QRICH2: variants seen among roughly 807,000 people sequenced by gnomAD.
The protein encoded by QRICH2 is glutamine rich 2.
A neutral mutation model predicts 168.3 loss-of-function variants in QRICH2; 119 were observed. The observed-to-expected ratio is 0.71, with a 90% CI of 0.61 to 0.82. The LOEUF is 0.82. QRICH2 is among the 40% of genes least tolerant of loss of function. The pLI is 0.00. For synonymous variants in QRICH2, 894 were observed against 951.2 expected (o/e 0.94, Z 1.11); for missense variants, 2,241 against 2,491.6 (o/e 0.90, Z 2.14).
In QRICH2 at chr17:76,281,002, C is replaced by T. The variant is rs764169013; in HGVS notation, c.4264-49G>A. The T allele has an allele frequency of 1.3e-6, 2 of 1,586,466 alleles. No homozygotes were observed. The highest frequency in any genetic ancestry group is 1.7e-6 in the Non-Finnish European group (2 of 1,172,746). The stretch of plus-strand genomic sequence containing the variant: ...CTCTCGGAGGCTGCTGGCGCGATCC[C>T]ACCCCCTGCTGCCATAATATTGCTG... On this transcript the variant is annotated intron_variant, in intron 8 of 18. Coordinates refer to ENST00000680821, the MANE Select transcript of QRICH2 (RefSeq NM_001388453.1). This position sits in a 1 kb window ranked among gnomAD's most constrained non-coding sequence, Gnocchi z 4.4.
intron 17 of QRICH2, 105 bp from the exon 18 acceptor site, chr17:76,276,052 G>T: frequency 1.4e-6 from 2 of 1,383,812 alleles, no homozygotes; most frequent in Non-Finnish European, 2.0e-6. Context: ...GTCATGGCCG[G>T]CCTCAGCTGA....
Position 76,291,641 on chromosome 17 carries a change from T to G in QRICH2, c.3086A>C (p.Gln1029Pro). Residue 1029 changes from glutamine (Q) to proline (P), a missense_variant, in exon 4 of 19, where the codon CAA becomes CCA. This residue lies in a region of QRICH2 where 2,047 missense variants were observed against 2,303.8 expected (regional missense o/e 0.89). Coordinates refer to ENST00000680821, the MANE Select transcript of QRICH2 (RefSeq NM_001388453.1). ...ATCTATACCAGGTGATGCCAAACCT[T>G]GACTGGCTAGGAGTGGTGACACCTG... is the stretch of plus-strand genomic sequence containing the variant. ...YGQVSPLLASQGLASPGIDRR... is the reference protein window; with the variant it reads ...YGQVSPLLASPGLASPGIDRR... 6.2e-7 allele frequency: 1 copy of G among 1,614,136 alleles called. No homozygotes were observed. The highest frequency in any genetic ancestry group is 1.1e-5 in the South Asian group (1 of 91,080).
At chr17:76,287,113 T>A in intron 7 of QRICH2, 79 bp downstream of exon 7, 1 of 816,074 alleles carries the variant, frequency 1.2e-6, no homozygotes, top group Non-Finnish European at 2.1e-6. Flanking sequence ...TAGTTTTTGA[T>A]GAGAGGTGGG....
rs749221756 is a variant in QRICH2, at chr17:76,293,169, C to T, written c.1558G>A (p.Val520Ile). 1.2e-5 allele frequency: 19 copies of T among 1,614,104 alleles called. No homozygotes were observed. Among genetic ancestry groups the T allele is most frequent in the East Asian group, 6.7e-5 (3 of 44,906 alleles). ...IDQQGLTLPVVDQHGLVLPFT... is the reference protein window; with the variant it reads ...IDQQGLTLPVIDQHGLVLPFT... Reference sequence around the variant, plus strand: ...GGTAGAACCAGGCCATGTTGATCGACGACAGGCAATGTCAATCCTTGCTGG... The same window carrying T: ...GGTAGAACCAGGCCATGTTGATCGATGACAGGCAATGTCAATCCTTGCTGG... Residue 520 changes from valine (V) to isoleucine (I), a missense_variant, in exon 4 of 19, where the codon GTC becomes ATC. Transcript: ENST00000680821.
chr17:76,306,540 G>A (rs996601193), intron 1 of QRICH2, among the ~76,000 whole-genome samples: 1 of 152,162 alleles, frequency 6.6e-6, no homozygotes, highest in Non-Finnish European at 1.5e-5. Flanking sequence ...CTGTTCACTG[G>A]ACAATACTTA....
chr17:76,307,635 C>A lies in QRICH2; in HGVS notation c.364G>T (p.Gly122Cys), dbSNP rs533100119. The stretch of plus-strand genomic sequence containing the variant: ...TGCGTGGCGATGCCCTGCACCTGGC[C>A]GTCCACACGCTTGAGCTGCTTGCTC... ...DLSKQLKRVD[G>C]QVQGIATHVQ... Residue 122 changes from glycine to cysteine, a missense_variant, in exon 1 of 19, where the codon GGC (glycine) becomes TGC (cysteine). Around this residue, in one of 3 missense-constraint regions of QRICH2, gnomAD observed 2,047 missense variants for 2,303.8 expected, o/e 0.89. Transcript: ENST00000680821. This position sits in a 1 kb window ranked among gnomAD's most constrained non-coding sequence, Gnocchi z 5.3. 8,377 of 1,504,078 alleles carry A rather than the reference C, an allele frequency of 5.6e-3. 35 individuals carry two copies. Among genetic ancestry groups the A allele is most frequent in the Non-Finnish European group, 7.0e-3 (7,821 of 1,121,102 alleles). 93.2% of individuals were successfully genotyped at this position (1,504,078 alleles called of 1,614,324 possible).
At chr17:76,296,125 A>G (rs893331652) in intron 3 of QRICH2, among the ~76,000 whole-genome samples, 21 of 151,906 alleles carry the variant, frequency 1.4e-4, no homozygotes, top group African/African-American at 5.1e-4. Context: ...TAGGAGGCTG[A>G]GGCAGGAGAA....
At position 76,291,530 on chromosome 17, in the gene QRICH2, G is replaced by C. The variant is rs761866177; in HGVS notation, c.3197C>G (p.Thr1066Arg). The C allele has an allele frequency of 6.2e-7, 1 of 1,606,892 alleles. No individual in the cohort carries two copies. Among genetic ancestry groups the C allele is most frequent in the Non-Finnish European group, 8.5e-7 (1 of 1,176,392 alleles). The change falls in exon 4 of 19, where the codon ACA (threonine) becomes AGA (arginine). Residue 1066 changes from threonine to arginine, a missense_variant. Around this residue, in one of 3 missense-constraint regions of QRICH2, gnomAD observed 2,047 missense variants for 2,303.8 expected, o/e 0.89. Coordinates refer to ENST00000680821, the MANE Select transcript of QRICH2 (RefSeq NM_001388453.1). Reference protein sequence around the residue: ...TDQHSPIPLSTGLGSTHPDQQ... With the variant: ...TDQHSPIPLSRGLGSTHPDQQ... ...ATCTGGGTGTGTAGATCCCAAACCTGTACTCAGTGGTATTGGGCTGTGCTG... is the reference window on the plus strand; with the variant it reads ...ATCTGGGTGTGTAGATCCCAAACCTCTACTCAGTGGTATTGGGCTGTGCTG...
chr17:76,290,931 G>C, intron 4 of QRICH2, 84 bp downstream of exon 4: 1 of 1,545,730 alleles, frequency 6.5e-7, no homozygotes. Flanking sequence ...GTAGCAGCCA[G>C]GAGTTGAGGC....
rs762002477 is a variant in QRICH2, at chr17:76,292,725, G to A, written c.2002C>T (p.Pro668Ser). The A allele has an allele frequency of 5.6e-6, 9 of 1,608,236 alleles. No homozygotes were observed. The Admixed American group carries it at 1.0e-4, about 18-fold the overall frequency. Residue 668 changes from proline (P) to serine (S), a missense_variant, in exon 4 of 19, where the codon CCT becomes TCT. This residue lies in a region of QRICH2 where 2,047 missense variants were observed against 2,303.8 expected (regional missense o/e 0.89). Transcript: ENST00000680821. Reference sequence around the variant, plus strand: ...AATCTGCCAGGTTGGACCATGCCAGGCTGATCTACACCAGGCTGTACCAAG... The same window carrying A: ...AATCTGCCAGGTTGGACCATGCCAGACTGATCTACACCAGGCTGTACCAAG... ...GVLVQPGVDQ[P>S]GMVQPGRFQR...
intron 3 of QRICH2, among the ~76,000 whole-genome samples, chr17:76,297,870 GTTTTTTTTTTT>G (rs1169251679): frequency 3.8e-5 from 3 of 79,476 alleles, no homozygotes; most frequent in South Asian, 4.7e-4. Context: ...TTAGGAATCT[GTTTTTTTTTTT>G]TTTTTTTTTT....
At chr17:76,277,112 T>G (rs753331166) in intron 16 of QRICH2, 51 bp downstream of exon 16, 49 of 1,498,896 alleles carry the variant, frequency 3.3e-5, no homozygotes, top group Non-Finnish European at 4.1e-5. Flanking sequence ...CTCAGGAATC[T>G]GGAGCCATGT....
rs1032694641 is a variant in QRICH2, at chr17:76,298,859, G to C, written c.706-4838C>G. ...TCAAATTCCCGACCTCAAGTGATCCGTCTGCCTCGGCTTCCCAAAGTGCTG... is the reference window on the plus strand; with the variant it reads ...TCAAATTCCCGACCTCAAGTGATCCCTCTGCCTCGGCTTCCCAAAGTGCTG... On this transcript the variant is annotated intron_variant, in intron 3 of 18. Transcript: ENST00000680821. Among the ~76,000 whole-genome samples the C allele has an allele frequency of 2.6e-5, 4 of 152,050 alleles. No homozygotes were observed. In the East Asian group the frequency reaches 7.7e-4, roughly 29 times the overall value.
Position 76,293,584 on chromosome 17 carries a change from ACT to A in QRICH2, c.1141_1142del (p.Gln382GlyfsTer24), listed in dbSNP as rs1446088315. The A allele has an allele frequency of 6.2e-7, 1 of 1,614,008 alleles. No individual in the cohort carries two copies. The highest frequency in any genetic ancestry group is 2.2e-5 in the East Asian group (1 of 44,880). ...GACGATCTGGCCTTAGATGGACCTGACTCTGGCTAGCGGGCACACTACTGGGC... is the reference window on the plus strand; with the variant it reads ...GACGATCTGGCCTTAGATGGACCTGACTGGCTAGCGGGCACACTACTGGGC... The part of the protein sequence containing the change: ...DQPSSVPASQ[S>X]QVHLRPDRRG... On this transcript the variant is annotated frameshift_variant, in exon 4 of 19. Transcript: ENST00000680821. LOFTEE classifies it high-confidence loss of function.
intron 7 of QRICH2, among the ~76,000 whole-genome samples, chr17:76,286,363 GA>G (rs2070885238): frequency 6.6e-6 from 1 of 152,140 alleles, no homozygotes; most frequent in Non-Finnish European, 1.5e-5. Flanking sequence ...GATGAGCCTT[GA>G]AAACATCATG....
At chr17:76,288,007 C>T (rs1303920405) in intron 5 of QRICH2, 110 bp from the exon 6 acceptor site, 2 of 778,328 alleles carry the variant, frequency 2.6e-6, no homozygotes, top group African/African-American at 1.7e-5. Context: ...ACTAACCCAA[C>T]CCCCTCCGAC....
At chr17:76,278,217 G>A in intron 14 of QRICH2, 28 bp from the exon 15 acceptor site, 1 of 1,596,344 alleles carries the variant, frequency 6.3e-7, no homozygotes, top group South Asian at 1.1e-5. Flanking sequence ...AACAGAGGGA[G>A]GGTTGGCCCA....
Position 76,292,886 on chromosome 17 carries a change from C to T in QRICH2, c.1841G>A (p.Gly614Asp). 6.2e-7 allele frequency: 1 copy of T among 1,611,076 alleles called. No homozygotes were observed. Among genetic ancestry groups the T allele is most frequent in the Non-Finnish European group, 8.5e-7 (1 of 1,179,536 alleles). Residue 614 changes from glycine (G) to aspartate (D), a missense_variant, in exon 4 of 19, where the codon GGT (glycine) becomes GAT (aspartate). Coordinates refer to ENST00000680821, the MANE Select transcript of QRICH2 (RefSeq NM_001388453.1). ...GMDQSGLAQPGADQRGLVWPG... is the reference protein window; with the variant it reads ...GMDQSGLAQPDADQRGLVWPG... ...CCAGACCAAACCACGCTGATCTGCA[C>T]CAGGTTGGGCCAAACCAGACTGATC... is the stretch of plus-strand genomic sequence containing the variant.
intron 3 of QRICH2, among the ~76,000 whole-genome samples, chr17:76,304,111 G>A (rs959616196): frequency 1.3e-5 from 2 of 152,132 alleles, no homozygotes; most frequent in African/African-American, 4.8e-5. Context: ...CAGCGCTGGG[G>A]GGATGTCAGG....
Sources: gnomAD v4.1 joint callset for allele counts (sites outside exome capture counted in the v4.1 genomes callset) on GRCh38, gnomAD v4.1.1 for gene constraint, gnomAD v4.1.1 regional missense constraint, Gnocchi (gnomAD v3.1) non-coding constraint, MANE v1.5 for transcripts, NCBI Gene and HGNC (gene_info 2026-07-23, HGNC 2026-07-21) for gene names.